KALRN: variants seen among roughly 807,000 people sequenced by gnomAD.
The protein encoded by KALRN is kalirin RhoGEF kinase.
Under a neutral mutation model 353.7 loss-of-function variants are expected in KALRN, and 70 were observed. The ratio of observed to expected loss-of-function variants is 0.20; its 90% CI spans 0.16 to 0.24. The LOEUF is 0.24. Among genes scored for constraint, KALRN ranks in the 10% least tolerant of loss-of-function variants. The pLI is 1.00. For missense variants in KALRN, 2,791 were observed against 3,756.7 expected (o/e 0.74, Z 6.72); for synonymous variants, 1,391 against 1,434.8 (o/e 0.97, Z 0.69).
At chr3:124,144,641 C>T (rs199609139) in intron 1 of KALRN, among the ~76,000 whole-genome samples, 2 of 92,644 alleles carry the variant, frequency 2.2e-5, no homozygotes, top group Non-Finnish European at 5.1e-5. Context: ...CCTCATCCTC[C>T]TCCTCTTCCT....
chr3:124,633,780 T>C (rs750771379), intron 35 of KALRN, 72 bp from the exon 36 acceptor site: 192 of 1,292,370 alleles, frequency 1.5e-4, no homozygotes, highest in Non-Finnish European at 2.1e-4. Context: ...GTATTATTTT[T>C]GTTAATGTCA....
chr3:124,595,114 A>G (rs2076156688), intron 34 of KALRN, among the ~76,000 whole-genome samples: 1 of 152,174 alleles, frequency 6.6e-6, no homozygotes, highest in Non-Finnish European at 1.5e-5. Context: ...AGATAAGTGA[A>G]GATAAAATTA....
intron 33 of KALRN, among the ~76,000 whole-genome samples, chr3:124,544,882 G>A (rs1331388301): frequency 6.6e-6 from 1 of 152,190 alleles, no homozygotes; most frequent in Non-Finnish European, 1.5e-5. Flanking sequence ...GGACAACTTG[G>A]CAGATGTGGA....
Position 124,347,292 on chromosome 3 carries a change from G to A in KALRN, c.1770+27G>A, listed in dbSNP as rs760688016. The A allele has an allele frequency of 6.7e-6, 10 of 1,490,974 alleles. No individual in the cohort carries two copies. In the South Asian group the frequency reaches 1.1e-4, roughly 17 times the overall value. 92.4% of individuals were successfully genotyped at this position (1,490,974 alleles called of 1,614,324 possible). On this transcript the variant is annotated intron_variant, in intron 10 of 59. Coordinates refer to ENST00000682506, the MANE Select transcript of KALRN (RefSeq NM_001388419.1). ...TGAGAAGCTGTGTGTGTGTGTGTGT[G>A]TGTGTGTGTGTGTGTGTGTGTGTGT... is the stretch of plus-strand genomic sequence containing the variant.
At chr3:124,504,014 A>G (rs1208441445) in intron 33 of KALRN, among the ~76,000 whole-genome samples, 1 of 152,234 alleles carries the variant, frequency 6.6e-6, no homozygotes, top group Non-Finnish European at 1.5e-5. Context: ...GCAGACAGTG[A>G]GTAGTTTGCT....
chr3:124,126,826 G>T (rs959945608), intron 1 of KALRN, among the ~76,000 whole-genome samples: 14 of 152,194 alleles, frequency 9.2e-5, no homozygotes, highest in Admixed American at 8.5e-4. Flanking sequence ...GGCCAAGAAA[G>T]CCCCTAGCCC....
intron 3 of KALRN, among the ~76,000 whole-genome samples, chr3:124,237,731 T>A (rs1359836915): frequency 6.6e-6 from 1 of 152,188 alleles, no homozygotes; most frequent in Non-Finnish European, 1.5e-5. Flanking sequence ...AGCTTCTCTA[T>A]GCCAGGTAGA....
intron 57 of KALRN, among the ~76,000 whole-genome samples, chr3:124,702,834 A>G (rs1011504606): frequency 1.3e-5 from 2 of 152,194 alleles, no homozygotes; most frequent in African/African-American, 4.8e-5. Context: ...TATTTTGGTT[A>G]GAGAACATTT....
intron 1 of KALRN, among the ~76,000 whole-genome samples, chr3:124,214,815 C>A (rs1269975226): frequency 1.3e-5 from 2 of 152,140 alleles, no homozygotes; most frequent in Non-Finnish European, 2.9e-5. Flanking sequence ...TCTGTGAACT[C>A]CCCCTACTTA....
chr3:124,135,494 C>A (rs1267962305), intron 1 of KALRN, among the ~76,000 whole-genome samples: 1 of 152,058 alleles, frequency 6.6e-6, no homozygotes, highest in African/African-American at 2.4e-5. Context: ...CACATGTAAC[C>A]AAATACCACC....
chr3:124,564,204 CAAAAAAAAAAAA>C (rs58917238), intron 34 of KALRN, among the ~76,000 whole-genome samples: 6 of 73,922 alleles, frequency 8.1e-5, no homozygotes, highest in African/African-American at 2.5e-4. Flanking sequence ...AACTCCGTCT[CAAAAAAAAAAAA>C]AAAAAAAAAA....
chr3:124,500,062 ATGGCTCCT>A (rs1484680664), intron 33 of KALRN, among the ~76,000 whole-genome samples: 1 of 152,230 alleles, frequency 6.6e-6, no homozygotes, highest in African/African-American at 2.4e-5. Flanking sequence ...TAATGTAAAC[ATGGCTCCT>A]TGTTCCAGGA....
chr3:124,558,274 G>A (rs1444655912), intron 33 of KALRN, among the ~76,000 whole-genome samples: 2 of 151,498 alleles, frequency 1.3e-5, no homozygotes, highest in African/African-American at 2.4e-5. Flanking sequence ...CACTAATACC[G>A]CCAGAATTTT....
intron 1 of KALRN, among the ~76,000 whole-genome samples, chr3:124,089,971 C>T (rs145535621): frequency 1.1e-3 from 164 of 152,320 alleles, no homozygotes; most frequent in African/African-American, 3.6e-3. Context: ...AAATATTAAG[C>T]TCTCATCATA....
chr3:124,538,139 G>T (rs553312052), intron 33 of KALRN, among the ~76,000 whole-genome samples: 1 of 152,174 alleles, frequency 6.6e-6, no homozygotes. Flanking sequence ...AGGCAAAAAC[G>T]TATGTACCTT....
intron 1 of KALRN, among the ~76,000 whole-genome samples, chr3:124,198,539 G>A (rs763024023): frequency 2.6e-5 from 4 of 152,198 alleles, no homozygotes; most frequent in African/African-American, 7.2e-5. Flanking sequence ...GGGAGGATAA[G>A]CTGGGAGCTG....
At chr3:124,368,140 C>T (rs1217715147) in intron 10 of KALRN, among the ~76,000 whole-genome samples, 2 of 73,068 alleles carry the variant, frequency 2.7e-5, no homozygotes, top group African/African-American at 5.7e-5. Context: ...AGGCGGGGGG[C>T]TGACCCCCCC....
chr3:124,633,974 C>A, intron 36 of KALRN, 21 bp downstream of exon 36: 1 of 1,594,788 alleles, frequency 6.3e-7, no homozygotes, highest in South Asian at 1.1e-5. Flanking sequence ...TTTACTTGCT[C>A]ACTTAAAAGA....
chr3:124,502,919 G>C lies in KALRN; in HGVS notation c.4935+6506G>C, dbSNP rs543914567. The stretch of plus-strand genomic sequence containing the variant: ...TTGACACATTCTTGAAAACCATCAC[G>C]ATGGTCCATCCAAGACCGGGTCTCC... On this transcript the variant is annotated intron_variant, in intron 33 of 59. Transcript: ENST00000682506. 7.0e-4 allele frequency among the ~76,000 whole-genome samples: 106 copies of C among 152,276 alleles called. 3 individuals are homozygous for C. The South Asian group carries it at 0.021, about 30-fold the overall frequency.
Sources: gnomAD v4.1 joint callset for allele counts (sites outside exome capture counted in the v4.1 genomes callset) on GRCh38, gnomAD v4.1.1 for gene constraint, MANE v1.5 for transcripts, NCBI Gene and HGNC (gene_info 2026-07-23, HGNC 2026-07-21) for gene names.